NPEPPS: variants seen among roughly 807,000 people sequenced by gnomAD.
NPEPPS encodes aminopeptidase puromycin sensitive, also known as puromycin-sensitive aminopeptidase.
Under a neutral mutation model 115.5 loss-of-function variants are expected in NPEPPS, and 14 were observed. The ratio of observed to expected loss-of-function variants is 0.12; its 90% CI spans 0.08 to 0.19. NPEPPS has a LOEUF of 0.19. Among genes scored for constraint, NPEPPS ranks in the 10% least tolerant of loss-of-function variants. NPEPPS has a pLI of 1.00. For missense variants in NPEPPS, 523 were observed against 1,110.8 expected (o/e 0.47, Z 7.52); for synonymous variants, 285 against 390.6 (o/e 0.73, Z 3.19).
chr17:47,591,230 G>T (rs1710849933), intron 10 of NPEPPS, among the ~76,000 whole-genome samples: 1 of 151,958 alleles, frequency 6.6e-6, no homozygotes, highest in Non-Finnish European at 1.5e-5. Context: ...AATTAGCTGG[G>T]CACGGTGGCG....
chr17:47,554,224 G>A (rs1909850451), intron 2 of NPEPPS, among the ~76,000 whole-genome samples: 1 of 151,846 alleles, frequency 6.6e-6, no homozygotes, highest in Non-Finnish European at 1.5e-5. Context: ...ATTTTTAGTA[G>A]GGACAGGGTT....
At position 47,563,577 on chromosome 17, in the gene NPEPPS, TC is replaced by T. The variant is rs1910590701; in HGVS notation, c.341-5839del. Among the ~76,000 whole-genome samples, 2 of 152,108 alleles carry T rather than the reference TC, an allele frequency of 1.3e-5. 1 individual carries two copies. Among genetic ancestry groups the T allele is most frequent in the South Asian group, 4.1e-4 (2 of 4,832 alleles). Reference sequence around the variant, plus strand: ...GTGTGTTATGATCTAGAAAAGTGTTTCTTTTTTTTTTTAGATGGAGTCTTGC... The same window carrying T: ...GTGTGTTATGATCTAGAAAAGTGTTTTTTTTTTTTTTAGATGGAGTCTTGC... On this transcript the variant is annotated intron_variant, in intron 2 of 22. Coordinates refer to ENST00000322157, the MANE Select transcript of NPEPPS (RefSeq NM_006310.4).
At chr17:47,534,603 G>T (rs1485369431) in intron 1 of NPEPPS, among the ~76,000 whole-genome samples, 1 of 151,948 alleles carries the variant, frequency 6.6e-6, no homozygotes, top group Non-Finnish European at 1.5e-5. Context: ...CTTTCTCCCA[G>T]GCTGGAGTGA....
chr17:47,594,224 G>A (rs1912696218), intron 12 of NPEPPS, among the ~76,000 whole-genome samples: 1 of 152,188 alleles, frequency 6.6e-6, no homozygotes, highest in Non-Finnish European at 1.5e-5. Flanking sequence ...AGTTGAGTGA[G>A]TGGTGAGTGA....
intron 2 of NPEPPS, among the ~76,000 whole-genome samples, chr17:47,563,829 A>G (rs551250394): frequency 2.0e-4 from 30 of 148,708 alleles, no homozygotes; most frequent in Middle Eastern, 3.4e-3. Context: ...CTTGGCCTCC[A>G]AAAGTGCTGG....
Position 47,586,757 on chromosome 17 carries a change from G to A in NPEPPS, c.980+359G>A, listed in dbSNP as rs1167551304. On this transcript the variant is annotated intron_variant, in intron 8 of 22. Transcript: ENST00000322157. The stretch of plus-strand genomic sequence containing the variant: ...GTCTGTCACCACAACATAAACATGT[G>A]AGTTGAATAACTTTTAAAAGCAGAG... 3 of 469,490 alleles carry A rather than the reference G, an allele frequency of 6.4e-6. No individual in the cohort carries two copies. In the East Asian group the frequency reaches 1.9e-4, roughly 30 times the overall value. The allele number at this position is 469,490 out of a possible 1,614,324, so 29.1% of individuals were successfully genotyped here. A position where few individuals can be genotyped will look rare whatever the true frequency, so the allele number is the denominator to read the frequency against.
In NPEPPS at chr17:47,596,458, A is replaced by T. The variant is rs1462350113; in HGVS notation, c.1532A>T (p.Glu511Val). 6.5e-7 allele frequency: 1 copy of T among 1,545,738 alleles called. No individual in the cohort carries two copies. Among genetic ancestry groups the T allele is most frequent in the East Asian group, 2.3e-5 (1 of 43,220 alleles). ...TTTCCCCTCATTTATGTGGAAGCTGAACAGGTAAACATATAAAGTCTTTCC... is the reference window on the plus strand; with the variant it reads ...TTTCCCCTCATTTATGTGGAAGCTGTACAGGTAAACATATAAAGTCTTTCC... Reference protein sequence around the residue: ...MGFPLIYVEAEQVEDDRLLRL... With the variant: ...MGFPLIYVEAVQVEDDRLLRL... Residue 511 changes from glutamate (E) to valine (V), a missense_variant, in exon 13 of 23, where the codon GAA (glutamate) becomes GTA (valine). Physicochemically the swap from Glu to Val is moderately radical, Grantham distance 121 (BLOSUM62 -2). Transcript: ENST00000322157.
intron 11 of NPEPPS, 146 bp from the exon 12 acceptor site, chr17:47,592,339 G>A: frequency 1.4e-6 from 1 of 694,770 alleles, no homozygotes; most frequent in Non-Finnish European, 2.5e-6. Flanking sequence ...TTAAATAAAA[G>A]GCAGTAGGCA....
chr17:47,618,772 A>G (rs1914363388), intron 20 of NPEPPS, among the ~76,000 whole-genome samples: 1 of 152,224 alleles, frequency 6.6e-6, no homozygotes. Context: ...TAGGCTCCTA[A>G]GCAAGTATCT....
intron 19 of NPEPPS, among the ~76,000 whole-genome samples, chr17:47,614,923 T>TA: frequency 6.6e-6 from 1 of 152,322 alleles, no homozygotes; most frequent in East Asian, 1.9e-4. Flanking sequence ...GAAATAGCTC[T>TA]AATGATCATA....
chr17:47,533,922 G>C (rs1023954168), intron 1 of NPEPPS, among the ~76,000 whole-genome samples: 8 of 152,210 alleles, frequency 5.3e-5, no homozygotes, highest in Non-Finnish European at 8.8e-5. Flanking sequence ...ATTAAAGGAT[G>C]ATTGGACTTT....
intron 2 of NPEPPS, among the ~76,000 whole-genome samples, chr17:47,547,216 G>A (rs1462545957): frequency 6.6e-6 from 1 of 152,152 alleles, no homozygotes; most frequent in East Asian, 1.9e-4. Context: ...AACTGTTTTA[G>A]ACCTTATAAT....
chr17:47,619,829 AAAAAC>A, intron 22 of NPEPPS, 45 bp downstream of exon 22: 1 of 1,381,266 alleles, frequency 7.2e-7, no homozygotes, highest in Non-Finnish European at 1.0e-6. Context: ...TCTAGTAAGT[AAAAAC>A]AATAACCTGG....
chr17:47,572,437 TAAAG>T (rs1424886017), intron 3 of NPEPPS, among the ~76,000 whole-genome samples: 3 of 146,936 alleles, frequency 2.0e-5, no homozygotes, highest in African/African-American at 5.0e-5. Flanking sequence ...ATAATAGAAA[TAAAG>T]GAAGTTGGAA....
At chr17:47,587,206 T>A in intron 8 of NPEPPS, 24 bp from the exon 9 acceptor site, 2 of 1,531,400 alleles carry the variant, frequency 1.3e-6, no homozygotes, top group Non-Finnish European at 1.7e-6. Flanking sequence ...TAAATTTGTT[T>A]CTTTTTTTTT....
intron 1 of NPEPPS, among the ~76,000 whole-genome samples, chr17:47,543,088 G>T (rs1372159804): frequency 6.8e-6 from 1 of 147,240 alleles, no homozygotes; most frequent in South Asian, 2.1e-4. Flanking sequence ...AGTGAGCCAA[G>T]ATCGCAAGAT....
intron 9 of NPEPPS, among the ~76,000 whole-genome samples, chr17:47,588,320 G>C (rs1254457868): frequency 6.6e-6 from 1 of 152,152 alleles, no homozygotes; most frequent in Non-Finnish European, 1.5e-5. Flanking sequence ...CCAGCACTTT[G>C]GGAGGCTGAG....
At chr17:47,601,458 AG>A in intron 14 of NPEPPS, 149 bp from the exon 15 acceptor site, 1 of 763,568 alleles carries the variant, frequency 1.3e-6, no homozygotes, top group South Asian at 1.6e-5. Context: ...GATACTATTC[AG>A]GTTATCTGGA....
At position 47,622,150 on chromosome 17, in the gene NPEPPS, GATAGTAATAAAAT is replaced by G. The variant is rs1390647664; in HGVS notation, c.*232_*244del. 4.9e-5 allele frequency: 57 copies of G among 1,173,554 alleles called. No individual in the cohort carries two copies. The highest frequency in any genetic ancestry group is 5.9e-5 in the Non-Finnish European group (55 of 929,036). The allele number at this position is 1,173,554 out of a possible 1,614,324, so 72.7% of individuals were successfully genotyped here. A position where few individuals can be genotyped will look rare whatever the true frequency, so the allele number is the denominator to read the frequency against. ...AAATAAAAAATAAAAATGTAAATAT[GATAGTAATAAAAT>G]AGAGCATAACGAAACTGTGAAACTT... is the stretch of plus-strand genomic sequence containing the variant. On this transcript the variant is annotated 3_prime_UTR_variant, in exon 23 of 23. Transcript: ENST00000322157.
Sources: allele counts gnomAD v4.1 joint callset (sites outside exome capture counted in the v4.1 genomes callset), GRCh38; gene constraint gnomAD v4.1.1; transcripts MANE v1.5; gene names NCBI Gene and HGNC (gene_info 2026-07-23, HGNC 2026-07-21).